The following TNNI3K variants were observed in gnomAD, a reference collection of about 807,000 sequenced individuals.
TNNI3K encodes the protein serine/threonine-protein kinase TNNI3K.
Under a neutral mutation model 114.5 loss-of-function variants are expected in TNNI3K, and 140 were observed. The observed-to-expected ratio is 1.22, with a 90% CI of 1.07 to 1.41. TNNI3K has a LOEUF of 1.41. Ranked by LOEUF, TNNI3K falls within the 40% of genes most tolerant of loss-of-function variation. The pLI, the probability that TNNI3K is intolerant of heterozygous loss-of-function variation, is 0.00. For missense variants in TNNI3K, 1,125 were observed against 1,007.6 expected (o/e 1.12, Z -1.58); for synonymous variants, 347 against 347.5 (o/e 1.00, Z 0.02).
Position 74,412,013 on chromosome 1 carries a change from A to G in TNNI3K, c.1773-24067A>G, listed in dbSNP as rs1446551340. The stretch of plus-strand genomic sequence containing the variant: ...GTATTATCCATGGAATGTTAAGCAA[A>G]TCAAAGCAATAAAGAATCCTTCTTT... On this transcript the variant is annotated intron_variant, in intron 17 of 24. Transcript: ENST00000326637. 3.3e-5 allele frequency among the ~76,000 whole-genome samples: 5 copies of G among 152,194 alleles called. 1 individual carries two copies. The East Asian group carries it at 9.6e-4, about 29-fold the overall frequency.
chr1:74,451,634 T>TTTTC (rs143940263), intron 20 of TNNI3K, among the ~76,000 whole-genome samples: 3,609 of 145,586 alleles, frequency 0.025, 225 homozygotes, highest in African/African-American at 0.092. Context: ...TTCCTTTTCT[T>TTTTC]TTTCTTTCTT....
chr1:74,523,892 T>C (rs1557626384), intron 23 of TNNI3K, among the ~76,000 whole-genome samples: 1 of 152,168 alleles, frequency 6.6e-6, no homozygotes, highest in Non-Finnish European at 1.5e-5. Flanking sequence ...GTCATCTACA[T>C]TAAACATTTC....
At chr1:74,491,046 TCC>T (rs1669046353) in intron 22 of TNNI3K, among the ~76,000 whole-genome samples, 1 of 152,184 alleles carries the variant, frequency 6.6e-6, no homozygotes, top group South Asian at 2.1e-4. Flanking sequence ...CAAAGTGGTA[TCC>T]AGTTGTGTCT....
chr1:74,336,606 T>A (rs1483734265), intron 7 of TNNI3K, among the ~76,000 whole-genome samples: 1 of 151,332 alleles, frequency 6.6e-6, no homozygotes, highest in Non-Finnish European at 1.5e-5. Flanking sequence ...TGGTGTTTGG[T>A]TTTTTGTTCT....
rs551383933 is a variant in TNNI3K, at chr1:74,296,270, C to T, written c.444+24562C>T. On this transcript the variant is annotated intron_variant, in intron 5 of 24. Transcript: ENST00000326637. ...CAGCCTGGGTGACAGAGCAAGACTC[C>T]GTCAAAAAAAAAAAAAAAATCTGAT... Among the ~76,000 whole-genome samples the T allele has an allele frequency of 3.4e-5, 5 of 146,364 alleles. No individual in the cohort carries two copies. In the South Asian group the frequency reaches 6.4e-4, roughly 19 times the overall value.
At chr1:74,378,451 C>A (rs778332219) in intron 17 of TNNI3K, among the ~76,000 whole-genome samples, 1 of 150,536 alleles carries the variant, frequency 6.6e-6, no homozygotes, top group Admixed American at 6.6e-5. Flanking sequence ...TTACTCAGGA[C>A]CCATCTTCAA....
rs1256953768 is a variant in TNNI3K, at chr1:74,540,332, T to C, written c.2431+19T>C. ...AAATATGGTAAGTAGGCAGATTCTT[T>C]AGGTTTGTTAAGAAAACTACCCCTA... On this transcript the variant is annotated intron_variant, in intron 24 of 24. Coordinates refer to ENST00000326637, the MANE Select transcript of TNNI3K (RefSeq NM_015978.3). 2 of 1,608,502 alleles carry C rather than the reference T, an allele frequency of 1.2e-6. No homozygotes were observed. The highest frequency in any genetic ancestry group is 3.4e-5 in the Admixed American group (2 of 59,402).
At chr1:74,325,715 A>G (rs1335887248) in intron 5 of TNNI3K, among the ~76,000 whole-genome samples, 1 of 152,126 alleles carries the variant, frequency 6.6e-6, no homozygotes, top group Non-Finnish European at 1.5e-5. Flanking sequence ...GGAAAGTTGG[A>G]GATGACTCTT....
chr1:74,427,610 T>G (rs1290476003), intron 17 of TNNI3K, among the ~76,000 whole-genome samples: 1 of 152,060 alleles, frequency 6.6e-6, no homozygotes, highest in Admixed American at 6.6e-5. Context: ...TTCTCAATTT[T>G]AAATTTAAAA....
At chr1:74,287,550 C>T (rs1657408775) in intron 5 of TNNI3K, among the ~76,000 whole-genome samples, 2 of 152,102 alleles carry the variant, frequency 1.3e-5, no homozygotes, top group African/African-American at 4.8e-5. Context: ...AGGACATTCT[C>T]TTCAATAAAT....
At chr1:74,280,387 AAAAAT>A (rs1656938054) in intron 5 of TNNI3K, among the ~76,000 whole-genome samples, 4 of 149,276 alleles carry the variant, frequency 2.7e-5, no homozygotes, top group South Asian at 2.2e-4. Context: ...ATCTCAAAAA[AAAAAT>A]AAAATAAAAT....
intron 20 of TNNI3K, among the ~76,000 whole-genome samples, chr1:74,460,216 A>G (rs1271273499): frequency 6.6e-6 from 1 of 151,968 alleles, no homozygotes; most frequent in Non-Finnish European, 1.5e-5. Flanking sequence ...TACAGGCGCC[A>G]GCCACCACGT....
rs1017252937 is a variant in TNNI3K, at chr1:74,436,111, G to A, written c.1804G>A (p.Ala602Thr). ...TATTCTTCTCTATGAGGATGGGCAT[G>A]CTGTGGTGGCAGATTTTGGAGGTGA... Reference protein sequence around the residue: ...HNILLYEDGHAVVADFGESRF... With the variant: ...HNILLYEDGHTVVADFGESRF... Residue 602 changes from alanine (A) to threonine (T), a missense_variant, in exon 18 of 25, where the codon GCT becomes ACT. Physicochemically the swap from Ala to Thr is moderately conservative, Grantham distance 58 (BLOSUM62 0). Coordinates refer to ENST00000326637, the MANE Select transcript of TNNI3K (RefSeq NM_015978.3). The A allele has an allele frequency of 1.2e-6, 2 of 1,604,718 alleles. No individual in the cohort carries two copies. The highest frequency in any genetic ancestry group is 1.7e-6 in the Non-Finnish European group (2 of 1,177,510).
At chr1:74,490,136 G>A (rs1436905656) in intron 22 of TNNI3K, among the ~76,000 whole-genome samples, 3 of 151,200 alleles carry the variant, frequency 2.0e-5, no homozygotes, top group African/African-American at 7.3e-5. Context: ...ACAGCCTGCA[G>A]TGAGTGGCTC....
intron 5 of TNNI3K, among the ~76,000 whole-genome samples, chr1:74,298,462 T>A (rs958004907): frequency 6.6e-6 from 1 of 152,188 alleles, no homozygotes; most frequent in African/African-American, 2.4e-5. Context: ...AACTGCAAAT[T>A]GATAATTGAA....
chr1:74,306,697 G>A (rs1658663219), intron 5 of TNNI3K, among the ~76,000 whole-genome samples: 7 of 152,086 alleles, frequency 4.6e-5, no homozygotes, highest in Admixed American at 4.6e-4. Context: ...GTCTCTTCAT[G>A]TGCTTTGCCT....
intron 9 of TNNI3K, among the ~76,000 whole-genome samples, chr1:74,347,535 C>G (rs1661082836): frequency 6.6e-6 from 1 of 152,136 alleles, no homozygotes; most frequent in Admixed American, 6.5e-5. Flanking sequence ...ATGGCTGGGT[C>G]AAATGGTATT....
intron 11 of TNNI3K, among the ~76,000 whole-genome samples, chr1:74,362,490 A>G (rs1429166309): frequency 1.3e-5 from 2 of 152,130 alleles, no homozygotes; most frequent in Non-Finnish European, 2.9e-5. Context: ...CTCCAGATCT[A>G]GTTCTTAAAA....
rs536188011 is a variant in TNNI3K at position 74,300,531 on chromosome 1, A to G, written c.444+28823A>G. On this transcript the variant is annotated intron_variant, in intron 5 of 24. Transcript: ENST00000326637. The stretch of plus-strand genomic sequence containing the variant: ...AATGATTTACTAGAGGACAAAGTGA[A>G]AGGCAGAAGAGAGCCTAGAGAGCAA... Among the ~76,000 whole-genome samples, 9 of 152,354 alleles carry G rather than the reference A, an allele frequency of 5.9e-5. No homozygotes were observed. In the South Asian group the frequency reaches 1.9e-3, roughly 32 times the overall value.
Sources: gnomAD v4.1 joint callset for allele counts (sites outside exome capture counted in the v4.1 genomes callset) on GRCh38, gnomAD v4.1.1 for gene constraint, MANE v1.5 for transcripts, NCBI Gene and HGNC (gene_info 2026-07-23, HGNC 2026-07-21) for gene names.